Variants in WASHC5 observed in about 807,000 individuals in gnomAD.
WASHC5 encodes the protein WASH complex subunit 5, also known as WASH complex subunit strumpellin.
In WASHC5, 101 loss-of-function variants were observed where a neutral mutation model predicts 150.4. The observed-to-expected ratio is 0.67, with a 90% confidence interval of 0.57 to 0.79. WASHC5 has a LOEUF of 0.79. Ranked by LOEUF, WASHC5 falls within the 30% of genes least tolerant of loss-of-function variation. The pLI, the probability that WASHC5 is intolerant of heterozygous loss-of-function variation, is 0.00. For synonymous variants in WASHC5, 467 were observed against 491.2 expected (o/e 0.95, Z 0.65); for missense variants, 1,195 against 1,396.3 (o/e 0.86, Z 2.30).
chr8:125,065,583 A>G (rs1164420927), intron 10 of WASHC5, among the ~76,000 whole-genome samples: 6 of 151,564 alleles, frequency 4.0e-5, no homozygotes, highest in Non-Finnish European at 7.4e-5. Context: ...GCTCTAGTTC[A>G]TAATTCTAAC....
rs1816580652 is a variant in WASHC5, at chr8:125,061,109, A to G, written c.1494T>C (p.Thr498=). 6.2e-7 allele frequency: 1 copy of G among 1,610,094 alleles called. No homozygotes were observed. The highest frequency in any genetic ancestry group is 8.5e-7 in the Non-Finnish European group (1 of 1,176,432). The change falls in exon 12 of 29, where the codon ACT becomes ACC. Residue 498 remains threonine (T), a synonymous_variant. Coordinates refer to ENST00000318410, the MANE Select transcript of WASHC5 (RefSeq NM_014846.4). Reference sequence around the variant, plus strand: ...CTTCCAAAGCTTGTATCAGTTGTACAGTTTTTCTGCCCGCAGCAGTAGAAT... The same window carrying G: ...CTTCCAAAGCTTGTATCAGTTGTACGGTTTTTCTGCCCGCAGCAGTAGAAT... The part of the protein sequence containing the change: ...YDDSTAAGRK[T]VQLIQALEEV...
intron 24 of WASHC5, 76 bp from the exon 25 acceptor site, chr8:125,039,035 T>C (rs1815803947): frequency 1.4e-6 from 2 of 1,466,762 alleles, no homozygotes; most frequent in Admixed American, 1.7e-5. Context: ...AGGGCAGTGA[T>C]GTAATCTTTT....
At chr8:125,044,996 T>A in intron 20 of WASHC5, 2 of 414,096 alleles carry the variant, frequency 4.8e-6, no homozygotes, top group Non-Finnish European at 9.0e-6. Context: ...CAAGGTTAGG[T>A]TCAGCTGTCA....
intron 20 of WASHC5, among the ~76,000 whole-genome samples, chr8:125,046,575 G>A (rs1377408654): frequency 6.6e-6 from 1 of 152,194 alleles, no homozygotes; most frequent in Non-Finnish European, 1.5e-5. Flanking sequence ...ACTGTGTGAT[G>A]CTGGGCAAAT....
chr8:125,030,799 G>A (rs538720459), intron 27 of WASHC5, among the ~76,000 whole-genome samples: 1 of 152,134 alleles, frequency 6.6e-6, no homozygotes, highest in Admixed American at 6.5e-5. Context: ...ATTTTAAGAT[G>A]GTCAAAAACA....
Position 125,076,400 on chromosome 8 carries a change from G to C in WASHC5, c.812C>G (p.Thr271Ser), listed in dbSNP as rs1411616706. The C allele has an allele frequency of 2.5e-6, 4 of 1,613,864 alleles. No homozygotes were observed. Among genetic ancestry groups the C allele is most frequent in the Middle Eastern group, 1.7e-4 (1 of 6,060 alleles). The change falls in exon 7 of 29, where the codon ACC (threonine) becomes AGC (serine). Residue 271 changes from threonine to serine, a missense_variant. Transcript: ENST00000318410. ...ILYFEPSILH[T>S]HQAKMREIVD... The stretch of plus-strand genomic sequence containing the variant: ...TATCTCTCTCATTTTTGCTTGATGG[G>C]TGTGAAGGATGGAAGGCTCAAAGTA...
chr8:125,047,545 C>G (rs997664152), intron 19 of WASHC5, among the ~76,000 whole-genome samples: 2 of 151,816 alleles, frequency 1.3e-5, no homozygotes, highest in Non-Finnish European at 2.9e-5. Context: ...GCAAGCGATT[C>G]TTTTGCCTCA....
chr8:125,032,420 A>G (rs372024377), intron 26 of WASHC5, 26 bp from the exon 27 acceptor site: 29 of 1,612,920 alleles, frequency 1.8e-5, no homozygotes, highest in Middle Eastern at 1.8e-4. Flanking sequence ...TTGCAACACC[A>G]TATGAAGTAC....
Position 125,073,279 on chromosome 8 carries a change from G to A in WASHC5, c.1024C>T (p.Gln342Ter), listed in dbSNP as rs1296153120. The change falls in exon 9 of 29, where the codon CAG becomes TAG. Residue 342 changes from glutamine to a stop codon, truncating the protein, a stop_gained. Coordinates refer to ENST00000318410, the MANE Select transcript of WASHC5 (RefSeq NM_014846.4). LOFTEE classifies it high-confidence loss of function. Reference protein sequence around the residue: ...TVSERVHAQVQQFLKEGYLRE... With the variant: ...TVSERVHAQV The stretch of plus-strand genomic sequence containing the variant: ...AAATAACCTTCTTTTAGAAATTGCT[G>A]CACTTGAGCATGCACTCTTTCACTG... 8 of 1,613,880 alleles carry A rather than the reference G, an allele frequency of 5.0e-6. No individual in the cohort carries two copies. Among genetic ancestry groups the A allele is most frequent in the Non-Finnish European group, 6.8e-6 (8 of 1,179,850 alleles).
At chr8:125,079,756 T>C (rs952891019) in intron 5 of WASHC5, among the ~76,000 whole-genome samples, 1 of 152,196 alleles carries the variant, frequency 6.6e-6, no homozygotes, top group African/African-American at 2.4e-5. Context: ...AGACTATATA[T>C]AGCCTCACAC....
intron 10 of WASHC5, among the ~76,000 whole-genome samples, chr8:125,067,280 G>A (rs1311581502): frequency 6.6e-6 from 1 of 152,136 alleles, no homozygotes; most frequent in Non-Finnish European, 1.5e-5. Context: ...GGCCTTCCAA[G>A]GTGCTGGGAT....
At chr8:125,079,114 G>GTATATATATATATATATA (rs1194077815) in intron 5 of WASHC5, among the ~76,000 whole-genome samples, 184 bp from the exon 6 acceptor site, 4 of 71,966 alleles carry the variant, frequency 5.6e-5, no homozygotes, top group African/African-American at 1.8e-4. Context: ...GTGTGTGTGT[G>GTATATATATATATATATA]TGTATATATA....
intron 17 of WASHC5, among the ~76,000 whole-genome samples, chr8:125,054,308 G>T (rs1001114328): frequency 7.2e-5 from 11 of 152,306 alleles, no homozygotes; most frequent in East Asian, 1.9e-4. Context: ...GCTGGAAAAA[G>T]AATGAGACTT....
At chr8:125,047,687 C>A (rs896561854) in intron 19 of WASHC5, among the ~76,000 whole-genome samples, 5 of 152,240 alleles carry the variant, frequency 3.3e-5, no homozygotes, top group African/African-American at 1.2e-4. Context: ...ATCCTCCCAC[C>A]TTGGCCTCCC....
chr8:125,042,342 T>G (rs182623154), intron 23 of WASHC5, among the ~76,000 whole-genome samples: 1 of 152,296 alleles, frequency 6.6e-6, no homozygotes, highest in East Asian at 1.9e-4. Flanking sequence ...CAACCCACAT[T>G]TCATGAGCTC....
At chr8:125,085,495 C>T (rs1303919030) in intron 1 of WASHC5, among the ~76,000 whole-genome samples, 3 of 151,968 alleles carry the variant, frequency 2.0e-5, no homozygotes, top group Non-Finnish European at 4.4e-5. Context: ...GAGAGAGAAG[C>T]GGAGGCAGAA....
intron 6 of WASHC5, among the ~76,000 whole-genome samples, chr8:125,077,185 A>G (rs900356847): frequency 1.3e-5 from 2 of 152,230 alleles, no homozygotes; most frequent in Non-Finnish European, 2.9e-5. Flanking sequence ...AAGGAGAGAA[A>G]TTGTTATAAG....
chr8:125,069,133 A>T (rs1816830883), intron 9 of WASHC5, among the ~76,000 whole-genome samples: 1 of 151,632 alleles, frequency 6.6e-6, no homozygotes, highest in Non-Finnish European at 1.5e-5. Flanking sequence ...ACCCTCATGA[A>T]TGGATTAATG....
chr8:125,076,301 G>C (rs747121652), intron 7 of WASHC5, 47 bp downstream of exon 7: 6 of 1,573,240 alleles, frequency 3.8e-6, no homozygotes, highest in Non-Finnish European at 5.2e-6. Flanking sequence ...TGGGAAGTTA[G>C]TTCTCTAACA....
Sources: gnomAD v4.1 joint callset for allele counts (sites outside exome capture counted in the v4.1 genomes callset) on GRCh38, gnomAD v4.1.1 for gene constraint, MANE v1.5 for transcripts, NCBI Gene and HGNC (gene_info 2026-07-23, HGNC 2026-07-21) for gene names.